The following WDR17 variants were observed in gnomAD, a reference collection of about 807,000 sequenced individuals.
WDR17 encodes the protein WD repeat domain 17, also known as WD repeat-containing protein 17.
WDR17 carries 143 observed loss-of-function variants against 161.7 expected under a neutral mutation model. The ratio of observed to expected loss-of-function variants is 0.88; its 90% CI spans 0.77 to 1.02. The LOEUF (loss-of-function observed/expected upper bound fraction) is 1.02, where lower values mean the gene tolerates loss of function less well. WDR17 is among the 50% of genes least tolerant of loss of function. WDR17 has a pLI of 0.00. For missense variants in WDR17, 1,469 were observed against 1,520.9 expected (o/e 0.97, Z 0.57); for synonymous variants, 517 against 515.6 (o/e 1.00, Z -0.04).
intron 1 of WDR17, among the ~76,000 whole-genome samples, chr4:176,073,910 G>A (rs561318106): frequency 6.7e-6 from 1 of 150,364 alleles, no homozygotes; most frequent in African/African-American, 2.4e-5. Flanking sequence ...CTTCTTTTGA[G>A]AAATGTCTGT....
intron 18 of WDR17, among the ~76,000 whole-genome samples, chr4:176,158,191 T>A (rs1303528050): frequency 6.6e-6 from 1 of 152,178 alleles, no homozygotes; most frequent in Non-Finnish European, 1.5e-5. Flanking sequence ...AGCTAAAATA[T>A]CAAGAACAGA....
Position 176,077,689 on chromosome 4 carries a change from G to T in WDR17, c.-7+11610G>T, listed in dbSNP as rs150366586. 4.0e-3 allele frequency among the ~76,000 whole-genome samples: 603 copies of T among 151,788 alleles called. 6 individuals carry two copies. Among genetic ancestry groups the T allele is most frequent in the African/African-American group, 0.013 (554 of 41,448 alleles). Reference sequence around the variant, plus strand: ...CATGTAACTTAAAAAAAAATCTAAGGATAGAGTTGGATGATTGTATGTATC... The same window carrying T: ...CATGTAACTTAAAAAAAAATCTAAGTATAGAGTTGGATGATTGTATGTATC... On this transcript the variant is annotated intron_variant, in intron 1 of 28. Transcript: ENST00000508596.
intron 10 of WDR17, 118 bp from the exon 11 acceptor site, chr4:176,141,865 G>A (rs1235451105): frequency 3.8e-6 from 3 of 789,286 alleles, no homozygotes; most frequent in African/African-American, 3.5e-5. Context: ...TTTTTGCTTT[G>A]TAGACAAAAT....
intron 17 of WDR17, among the ~76,000 whole-genome samples, chr4:176,155,488 G>A (rs979472028): frequency 3.3e-5 from 5 of 149,538 alleles, no homozygotes; most frequent in Non-Finnish European, 7.4e-5. Context: ...GGGGTACTTG[G>A]AATTTAACCA....
At chr4:176,149,719 A>T (rs2126812086) in intron 13 of WDR17, 88 bp from the exon 14 acceptor site, 2 of 1,521,036 alleles carry the variant, frequency 1.3e-6, no homozygotes, top group Non-Finnish European at 1.8e-6. Flanking sequence ...TCATAGCTTC[A>T]ATTCTGTAGA....
intron 1 of WDR17, among the ~76,000 whole-genome samples, chr4:176,080,862 A>G (rs1034474249): frequency 1.3e-5 from 2 of 151,998 alleles, no homozygotes; most frequent in Non-Finnish European, 1.5e-5. Context: ...GTTACTCAAA[A>G]TTGTGTATGA....
chr4:176,082,428 T>G (rs1327305178), intron 1 of WDR17, among the ~76,000 whole-genome samples: 2 of 152,104 alleles, frequency 1.3e-5, no homozygotes, highest in African/African-American at 2.4e-5. Flanking sequence ...AAAATATGAT[T>G]TGAAAATAGG....
intron 13 of WDR17, among the ~76,000 whole-genome samples, chr4:176,148,571 A>T (rs1259104126): frequency 6.6e-6 from 1 of 152,206 alleles, no homozygotes; most frequent in Non-Finnish European, 1.5e-5. Flanking sequence ...CTTTCTCCCC[A>T]CTGTCTGCAG....
At chr4:176,086,495 T>G (rs984319517) in intron 1 of WDR17, among the ~76,000 whole-genome samples, 18 of 151,930 alleles carry the variant, frequency 1.2e-4, no homozygotes, top group African/African-American at 4.3e-4. Context: ...ATGCAACCAG[T>G]TTTAGGATTA....
At chr4:176,096,504 A>T in intron 1 of WDR17, 1 of 1,597,206 alleles carries the variant, frequency 6.3e-7, no homozygotes, top group Non-Finnish European at 8.5e-7. Context: ...TGCCTTGATT[A>T]AAGTAGAAAC....
At chr4:176,130,159 A>G (rs1743119899) in intron 6 of WDR17, among the ~76,000 whole-genome samples, 1 of 152,230 alleles carries the variant, frequency 6.6e-6, no homozygotes, top group Admixed American at 6.5e-5. Flanking sequence ...ATTTTAAAAA[A>G]TAAACGTACT....
At position 176,125,447 on chromosome 4, in the gene WDR17, TA is replaced by T. The variant is rs1393436805; in HGVS notation, c.790+96del. 6.3e-6 allele frequency: 9 copies of T among 1,423,798 alleles called. No homozygotes were observed. The African/African-American group carries it at 1.3e-4, about 20-fold the overall frequency. 88.2% of individuals were successfully genotyped at this position (1,423,798 alleles called of 1,614,324 possible). ...TTGTCCTTTATAGGTTGATTTTGTGTAAAATGTATTAATAGCTCAATTATTA... is the reference window on the plus strand; with the variant it reads ...TTGTCCTTTATAGGTTGATTTTGTGTAAATGTATTAATAGCTCAATTATTA... On this transcript the variant is annotated intron_variant, in intron 5 of 28. Transcript: ENST00000508596.
At chr4:176,142,757 A>ATTT in intron 11 of WDR17, among the ~76,000 whole-genome samples, 1 of 152,248 alleles carries the variant, frequency 6.6e-6, no homozygotes. Flanking sequence ...AAATGTGGGA[A>ATTT]ATATAGAGTA....
At position 176,166,283 on chromosome 4, in the gene WDR17, T is replaced by TATGCC. The variant is rs558079827; in HGVS notation, c.2991-2388_2991-2387insTGCCA. ...ATTTTATGGTATGCCAATTCACGTG[T>TATGCC]AATTTATAGCACATGAAACCTGACT... On this transcript the variant is annotated intron_variant, in intron 22 of 28. Coordinates refer to ENST00000508596, the MANE Select transcript of WDR17 (RefSeq NM_181265.4). The TATGCC allele has an allele frequency of 1.5e-4, 45 of 302,032 alleles. 1 individual carries two copies. In the South Asian group the frequency reaches 3.2e-3, roughly 21 times the overall value. 18.7% of individuals were successfully genotyped at this position (302,032 alleles called of 1,614,324 possible). A position where few individuals can be genotyped will look rare whatever the true frequency, so the allele number is the denominator to read the frequency against.
intron 19 of WDR17, 122 bp downstream of exon 19, chr4:176,160,248 C>A: frequency 8.8e-7 from 1 of 1,137,650 alleles, no homozygotes; most frequent in African/African-American, 1.5e-5. Context: ...TGGCTTCTGC[C>A]CTCCTCCCTG....
chr4:176,111,623 C>T lies in WDR17; in HGVS notation c.43C>T (p.Gln15Ter). 6.2e-7 allele frequency: 1 copy of T among 1,610,756 alleles called. No individual in the cohort carries two copies. Among genetic ancestry groups the T allele is most frequent in the East Asian group, 2.2e-5 (1 of 44,722 alleles). ...AGTGGGATTGCTGGCTGCTGGATGT[C>T]AGCCATGGAACAAGGATGTATGTGC... ...RQVGLLAAGC[Q>*]PWNKDVCAAS... The change falls in exon 2 of 29, where the codon CAG becomes TAG. Residue 15 changes from glutamine to a stop codon, truncating the protein, a stop_gained. Transcript: ENST00000508596. LOFTEE classifies it high-confidence loss of function.
At chr4:176,157,481 T>G (rs1472082362) in intron 18 of WDR17, among the ~76,000 whole-genome samples, 1 of 152,192 alleles carries the variant, frequency 6.6e-6, no homozygotes, top group Non-Finnish European at 1.5e-5. Context: ...AGCCCTCAGA[T>G]TTTAGGCTCC....
intron 1 of WDR17, among the ~76,000 whole-genome samples, chr4:176,084,082 A>G (rs1355519985): frequency 6.6e-6 from 1 of 151,894 alleles, no homozygotes; most frequent in Non-Finnish European, 1.5e-5. Flanking sequence ...GGTGCTATAA[A>G]CATTTTCTCC....
intron 17 of WDR17, among the ~76,000 whole-genome samples, chr4:176,152,648 T>C (rs969184405): frequency 3.4e-5 from 5 of 145,540 alleles, no homozygotes; most frequent in African/African-American, 1.3e-4. Context: ...ATACCCTGCG[T>C]GCTGGCTCAC....
Sources: allele counts gnomAD v4.1 joint callset (sites outside exome capture counted in the v4.1 genomes callset), GRCh38; gene constraint gnomAD v4.1.1; transcripts MANE v1.5; gene names NCBI Gene and HGNC (gene_info 2026-07-23, HGNC 2026-07-21).